Variants in NPAS3 observed in about 807,000 individuals in gnomAD.
The protein encoded by NPAS3 is neuronal PAS domain protein 3.
A neutral mutation model predicts 73.1 loss-of-function variants in NPAS3; 14 were observed. That is an observed-to-expected ratio of 0.19 (90% CI 0.13 to 0.30). The LOEUF is 0.30. NPAS3 is among the 10% of genes least tolerant of loss of function. NPAS3 has a pLI of 1.00. For synonymous variants in NPAS3, 620 were observed against 541.5 expected (o/e 1.14, Z -2.01); for missense variants, 1,096 against 1,250.0 (o/e 0.88, Z 1.86).
At chr14:32,945,409 A>G (rs2036210482) in intron 1 of NPAS3, among the ~76,000 whole-genome samples, 1 of 152,220 alleles carries the variant, frequency 6.6e-6, no homozygotes, top group South Asian at 2.1e-4. Context: ...TGTTTCAGAC[A>G]CTATATTACA....
At chr14:33,343,622 T>G (rs2044593050) in intron 3 of NPAS3, among the ~76,000 whole-genome samples, 1 of 152,216 alleles carries the variant, frequency 6.6e-6, no homozygotes, top group Non-Finnish European at 1.5e-5. Context: ...CCTTAAATAT[T>G]TAAAATGTTC....
intron 3 of NPAS3, among the ~76,000 whole-genome samples, chr14:33,225,377 T>C (rs2139737055): frequency 6.6e-6 from 1 of 152,324 alleles, no homozygotes; most frequent in East Asian, 1.9e-4. Context: ...TTTTCTATTC[T>C]TCCAGTCTTG....
At chr14:32,969,811 G>A (rs1380404292) in intron 1 of NPAS3, among the ~76,000 whole-genome samples, 2 of 152,048 alleles carry the variant, frequency 1.3e-5, no homozygotes, top group Non-Finnish European at 2.9e-5. Context: ...ACAAATAAAT[G>A]TTTACTTCTC....
chr14:33,329,121 T>C (rs146359716), intron 3 of NPAS3, among the ~76,000 whole-genome samples: 1 of 152,308 alleles, frequency 6.6e-6, no homozygotes, highest in African/African-American at 2.4e-5. Flanking sequence ...GATGTTTTGC[T>C]ACTTGCCTTA....
intron 3 of NPAS3, among the ~76,000 whole-genome samples, chr14:33,345,745 C>CT (rs2140326508): frequency 6.6e-6 from 1 of 152,310 alleles, no homozygotes; most frequent in East Asian, 1.9e-4. Context: ...GTTCAACAGA[C>CT]AAGCTGCCCT....
intron 2 of NPAS3, among the ~76,000 whole-genome samples, chr14:33,204,874 T>C (rs2063503343): frequency 1.3e-5 from 2 of 152,014 alleles, no homozygotes; most frequent in African/African-American, 4.8e-5. Context: ...GGCCCTACTA[T>C]TGCAAAAAGT....
At chr14:33,579,662 T>G (rs2056585763) in intron 5 of NPAS3, among the ~76,000 whole-genome samples, 1 of 152,190 alleles carries the variant, frequency 6.6e-6, no homozygotes, top group East Asian at 1.9e-4. Context: ...TTTTCTTCAT[T>G]TGACCAACAT....
At chr14:33,409,275 G>GA (rs568226980) in intron 4 of NPAS3, among the ~76,000 whole-genome samples, 224 of 152,166 alleles carry the variant, frequency 1.5e-3, no homozygotes, top group African/African-American at 5.2e-3. Context: ...AATATAAATA[G>GA]AAAATCTTAG....
chr14:33,349,180 T>C (rs1488178926), intron 3 of NPAS3, among the ~76,000 whole-genome samples: 1 of 152,238 alleles, frequency 6.6e-6, no homozygotes, highest in East Asian at 1.9e-4. Flanking sequence ...TTAGGACGAA[T>C]TCTCTGCACT....
intron 1 of NPAS3, among the ~76,000 whole-genome samples, chr14:33,032,387 G>A (rs1164803183): frequency 6.6e-6 from 1 of 152,144 alleles, no homozygotes; most frequent in Non-Finnish European, 1.5e-5. Flanking sequence ...CAACATTCAA[G>A]GCAAAAGGAA....
rs1428025360 is a variant in NPAS3 at position 33,688,957 on chromosome 14, TTA to T, written c.733+12575_733+12576del. On this transcript the variant is annotated intron_variant, in intron 6 of 11. Coordinates refer to ENST00000356141, the Ensembl canonical transcript of NPAS3. ...ATTCAGTTAAATTGCACTGCCTATA[TTA>T]TAGACTTTTAAAATCTGCAGTCTGG... Among the ~76,000 whole-genome samples, 14 of 152,252 alleles carry T rather than the reference TTA, an allele frequency of 9.2e-5. No homozygotes were observed. In the East Asian group the frequency reaches 1.2e-3, roughly 13 times the overall value.
chr14:33,477,043 G>A (rs2051067058), intron 4 of NPAS3, among the ~76,000 whole-genome samples: 1 of 152,036 alleles, frequency 6.6e-6, no homozygotes, highest in Admixed American at 6.6e-5. Context: ...CCTTAGAGGT[G>A]GAAAAGAGTT....
chr14:33,567,644 G>A (rs1322506453), intron 5 of NPAS3, among the ~76,000 whole-genome samples: 2 of 152,156 alleles, frequency 1.3e-5, no homozygotes, highest in Admixed American at 6.5e-5. Flanking sequence ...ATTAGAAATC[G>A]GTAGAATAAT....
intron 2 of NPAS3, among the ~76,000 whole-genome samples, chr14:33,093,543 T>C (rs2042302481): frequency 6.6e-6 from 1 of 152,140 alleles, no homozygotes; most frequent in Non-Finnish European, 1.5e-5. Flanking sequence ...AGTTCAACCA[T>C]TGTGGAAGAC....
At chr14:33,439,502 C>T (rs1566904475) in intron 4 of NPAS3, among the ~76,000 whole-genome samples, 1 of 152,160 alleles carries the variant, frequency 6.6e-6, no homozygotes, top group Non-Finnish European at 1.5e-5. Context: ...AGCCGAGTTT[C>T]TATTTGGAAT....
intron 3 of NPAS3, among the ~76,000 whole-genome samples, chr14:33,220,417 G>T (rs10483434): frequency 0.083 from 12,604 of 152,244 alleles, 730 homozygotes; most frequent in Non-Finnish European, 0.13. Flanking sequence ...CTTTACTTAG[G>T]TATGCTTCCA....
chr14:33,182,325 T>C (rs2045826581), intron 2 of NPAS3, among the ~76,000 whole-genome samples: 1 of 152,218 alleles, frequency 6.6e-6, no homozygotes, highest in South Asian at 2.1e-4. Context: ...GTTTGGAATT[T>C]TGAACGCTTT....
chr14:32,939,508 C>T, intron 1 of NPAS3, 142 bp downstream of exon 1: 1 of 200,410 alleles, frequency 5.0e-6, no homozygotes, highest in Non-Finnish European at 1.1e-5. Flanking sequence ...GCAGCGCTCG[C>T]CCGGGGCCCC....
At chr14:33,774,439 C>A in exon 8 of NPAS3, 1 of 1,614,104 alleles carries the variant, frequency 6.2e-7, no homozygotes, top group Non-Finnish European at 8.5e-7. Flanking sequence ...GCATGCCTTG[C>A]CTCCCCCTAC....
Sources: gnomAD v4.1 joint callset for allele counts (sites outside exome capture counted in the v4.1 genomes callset) on GRCh38, gnomAD v4.1.1 for gene constraint, MANE v1.5 for transcripts, NCBI Gene and HGNC (gene_info 2026-07-23, HGNC 2026-07-21) for gene names.